Variants in SUMF1 observed in about 807,000 individuals in gnomAD.
The protein encoded by SUMF1 is formylglycine-generating enzyme.
In SUMF1, 48 loss-of-function variants were observed where a neutral mutation model predicts 47.6. That is an observed-to-expected ratio of 1.01 (90% confidence interval 0.80 to 1.28). SUMF1 has a LOEUF of 1.28. Among genes scored for constraint, SUMF1 ranks in the 50% most tolerant of loss-of-function variants. The probability of loss-of-function intolerance (pLI) is 0.00; values close to 1 mark genes in which losing one functional copy is unlikely to be tolerated. For synonymous variants in SUMF1, 230 were observed against 192.1 expected (o/e 1.20, Z -1.63); for missense variants, 571 against 485.4 (o/e 1.18, Z -1.66).
chr3:4,151,968 G>A (rs1465925439), intron 8 of SUMF1, among the ~76,000 whole-genome samples: 2 of 151,472 alleles, frequency 1.3e-5, no homozygotes, highest in African/African-American at 4.9e-5. Context: ...CTGCTAATGG[G>A]AAACAATGAC....
At chr3:4,285,984 GA>G (rs1433729240) in intron 8 of SUMF1, among the ~76,000 whole-genome samples, 1 of 152,074 alleles carries the variant, frequency 6.6e-6, no homozygotes. Context: ...CAAGAAATTA[GA>G]AATACTTGCA....
intron 8 of SUMF1, chr3:4,303,731 C>T: frequency 6.7e-7 from 1 of 1,497,776 alleles, no homozygotes; most frequent in Non-Finnish European, 9.0e-7. Flanking sequence ...AGGGTGTTGT[C>T]CTTTTCAGTC....
chr3:4,427,400 G>C (rs1045193151), intron 3 of SUMF1, among the ~76,000 whole-genome samples: 1 of 152,100 alleles, frequency 6.6e-6, no homozygotes, highest in Non-Finnish European at 1.5e-5. Context: ...AACCAGAGGA[G>C]AATTTAGCAA....
rs142521365 is a variant in SUMF1, at chr3:4,061,486, C to A, written c.1191+7083G>T. On this transcript the variant is annotated intron_variant and NMD_transcript_variant, in intron 9 of 12. Transcript: ENST00000448413. ...TGCATGTAGTTACATTTCTTCCCTG[C>A]TATATAAACCCCTGATTTTGGTTGG... 2.4e-3 allele frequency among the ~76,000 whole-genome samples: 369 copies of A among 152,226 alleles called. 1 individual carries two copies. The highest frequency in any genetic ancestry group is 4.1e-3 in the Non-Finnish European group (280 of 67,996).
intron 7 of SUMF1, among the ~76,000 whole-genome samples, chr3:4,382,038 A>C (rs1248958184): frequency 6.6e-6 from 1 of 152,134 alleles, no homozygotes. Flanking sequence ...AGGAATGAGA[A>C]ACTCTGTCTC....
intron 1 of SUMF1, among the ~76,000 whole-genome samples, chr3:4,464,367 T>G (rs957360149): frequency 6.6e-6 from 1 of 152,056 alleles, no homozygotes; most frequent in African/African-American, 2.4e-5. Flanking sequence ...TCCTATAGTA[T>G]TCTCACTATA....
intron 8 of SUMF1, among the ~76,000 whole-genome samples, chr3:4,218,511 C>G (rs1174182847): frequency 2.0e-5 from 3 of 152,070 alleles, no homozygotes; most frequent in African/African-American, 7.2e-5. Context: ...CAAAACAACA[C>G]AGTACATTTA....
intron 8 of SUMF1, among the ~76,000 whole-genome samples, chr3:4,288,919 T>C (rs764926042): frequency 6.6e-6 from 1 of 152,216 alleles, no homozygotes; most frequent in African/African-American, 2.4e-5. Context: ...AACTTCCTTA[T>C]TATTTACTGT....
chr3:4,315,662 C>G (rs539402114), intron 8 of SUMF1, among the ~76,000 whole-genome samples: 1 of 152,284 alleles, frequency 6.6e-6, no homozygotes, highest in South Asian at 2.1e-4. Flanking sequence ...AATGTTGACA[C>G]TTCTTTTGAG....
At chr3:4,351,504 C>T (rs1003862754) in intron 8 of SUMF1, among the ~76,000 whole-genome samples, 8 of 152,178 alleles carry the variant, frequency 5.3e-5, no homozygotes, top group Non-Finnish European at 1.2e-4. Context: ...TGATCTCAGT[C>T]GTCTTTATCA....
chr3:4,223,067 C>A (rs1231657954), intron 8 of SUMF1, among the ~76,000 whole-genome samples: 2 of 151,934 alleles, frequency 1.3e-5, no homozygotes, highest in African/African-American at 4.8e-5. Context: ...AAGGAGACTG[C>A]AAGATATTTA....
chr3:4,167,497 C>A (rs1453531018), intron 8 of SUMF1, among the ~76,000 whole-genome samples: 1 of 152,066 alleles, frequency 6.6e-6, no homozygotes, highest in Non-Finnish European at 1.5e-5. Context: ...CTGATTGGTA[C>A]ATTTTACAAA....
At chr3:4,252,354 A>ATGCG (rs1696821909) in intron 8 of SUMF1, among the ~76,000 whole-genome samples, 1 of 114,062 alleles carries the variant, frequency 8.8e-6, no homozygotes, top group Non-Finnish European at 1.9e-5. Flanking sequence ...ACACATGCGC[A>ATGCG]CACACACACA....
chr3:4,274,065 T>C (rs1237141995), intron 8 of SUMF1, among the ~76,000 whole-genome samples: 1 of 152,006 alleles, frequency 6.6e-6, no homozygotes, highest in Non-Finnish European at 1.5e-5. Flanking sequence ...GTATGATAGT[T>C]ACCTCCCTAA....
At chr3:4,084,764 A>G (rs1692636972) in intron 8 of SUMF1, among the ~76,000 whole-genome samples, 1 of 152,140 alleles carries the variant, frequency 6.6e-6, no homozygotes. Flanking sequence ...TTGGTAAATA[A>G]TAATGTTCTT....
chr3:4,095,434 T>C (rs763556837), intron 8 of SUMF1, among the ~76,000 whole-genome samples: 1 of 152,082 alleles, frequency 6.6e-6, no homozygotes, highest in African/African-American at 2.4e-5. Context: ...AGATTGATGA[T>C]AGAATCCCTA....
chr3:4,360,928 C>A (rs1212099433), downstream of SUMF1, among the ~76,000 whole-genome samples: 2 of 152,160 alleles, frequency 1.3e-5, no homozygotes, highest in African/African-American at 4.8e-5. Context: ...TTGGCATTAT[C>A]TACTGTGGCA....
At chr3:4,264,597 A>G (rs901738894) in intron 8 of SUMF1, among the ~76,000 whole-genome samples, 1 of 152,220 alleles carries the variant, frequency 6.6e-6, no homozygotes, top group Admixed American at 6.5e-5. Flanking sequence ...CTGCCCTTTC[A>G]GTACTTTTAA....
At chr3:4,246,025 T>G (rs926170063) in intron 8 of SUMF1, among the ~76,000 whole-genome samples, 2 of 152,168 alleles carry the variant, frequency 1.3e-5, no homozygotes, top group Non-Finnish European at 2.9e-5. Flanking sequence ...ACTGCTGCAC[T>G]AGCAGCGAGC....
Sources: allele counts gnomAD v4.1 joint callset (sites outside exome capture counted in the v4.1 genomes callset), GRCh38; gene constraint gnomAD v4.1.1; transcripts MANE v1.5; gene names NCBI Gene and HGNC (gene_info 2026-07-23, HGNC 2026-07-21).